The following SPIDR variants were observed in gnomAD, a reference collection of about 807,000 sequenced individuals.
The protein encoded by SPIDR is DNA repair-scaffolding protein.
Under a neutral mutation model 104.6 loss-of-function variants are expected in SPIDR, and 93 were observed. The ratio of observed to expected loss-of-function variants is 0.89; its 90% CI spans 0.75 to 1.06. SPIDR has a LOEUF of 1.06. SPIDR is among the 50% of genes least tolerant of loss of function. The pLI is 0.00. For missense variants in SPIDR, 1,154 were observed against 1,111.2 expected (o/e 1.04, Z -0.55); for synonymous variants, 431 against 416.9 (o/e 1.03, Z -0.41).
intron 5 of SPIDR, among the ~76,000 whole-genome samples, chr8:47,394,866 G>C (rs1339450775): frequency 1.3e-5 from 2 of 151,910 alleles, no homozygotes; most frequent in Admixed American, 6.6e-5. Context: ...GTTACTAATG[G>C]GTTAACAAGT....
chr8:47,689,932 G>T lies in SPIDR; in HGVS notation c.1686-10471G>T, dbSNP rs138276114. ...TAAATTATTTTAATAGGACTCAACA[G>T]TTTCAGTCTTTGAAACATTATATGA... On this transcript the variant is annotated intron_variant, in intron 11 of 19. Transcript: ENST00000297423. Among the ~76,000 whole-genome samples the T allele has an allele frequency of 4.6e-3, 707 of 152,282 alleles. 4 individuals are homozygous for T. The highest frequency in any genetic ancestry group is 8.2e-3 in the Non-Finnish European group (558 of 68,030).
chr8:47,270,519 C>A (rs2035080395), intron 1 of SPIDR, among the ~76,000 whole-genome samples: 1 of 151,958 alleles, frequency 6.6e-6, no homozygotes. Flanking sequence ...TAGTTTAAAT[C>A]TTCTCTTCCC....
At chr8:47,574,487 G>A (rs1260806775) in intron 8 of SPIDR, among the ~76,000 whole-genome samples, 1 of 152,114 alleles carries the variant, frequency 6.6e-6, no homozygotes, top group African/African-American at 2.4e-5. Flanking sequence ...GCCGGATGTG[G>A]TGGCTCACGC....
intron 5 of SPIDR, among the ~76,000 whole-genome samples, chr8:47,334,095 T>C (rs1554606703): frequency 1.3e-5 from 2 of 152,242 alleles, no homozygotes; most frequent in South Asian, 4.1e-4. Context: ...ATGTTCCATG[T>C]ATCTTTCTGT....
chr8:47,398,533 G>C (rs1207080933), intron 6 of SPIDR, among the ~76,000 whole-genome samples: 1 of 152,202 alleles, frequency 6.6e-6, no homozygotes, highest in Non-Finnish European at 1.5e-5. Flanking sequence ...ATGCCTCATT[G>C]AGCAGCTGGA....
chr8:47,598,486 ATATGTGAG>A (rs984392602), intron 9 of SPIDR, among the ~76,000 whole-genome samples: 1 of 152,226 alleles, frequency 6.6e-6, no homozygotes, highest in African/African-American at 2.4e-5. Context: ...TGTTGGGAGA[ATATGTGAG>A]CATGTAAAAT....
At chr8:47,336,038 A>C (rs79034447) in intron 5 of SPIDR, among the ~76,000 whole-genome samples, 1,857 of 151,704 alleles carry the variant, frequency 0.012, 41 homozygotes, top group African/African-American at 0.043. Context: ...TGTTTCAAAT[A>C]TTTCTAATGT....
intron 8 of SPIDR, among the ~76,000 whole-genome samples, chr8:47,532,322 G>C (rs560419689): frequency 1.4e-4 from 22 of 152,088 alleles, no homozygotes; most frequent in Admixed American, 1.3e-3. Flanking sequence ...ACCTGCCTTG[G>C]CCTCCCAAAG....
chr8:47,490,529 G>A (rs1345058508), intron 8 of SPIDR, among the ~76,000 whole-genome samples: 1 of 152,154 alleles, frequency 6.6e-6, no homozygotes, highest in Non-Finnish European at 1.5e-5. Flanking sequence ...TCATGCTGCT[G>A]TAAAGACACA....
chr8:47,674,856 CTG>C (rs2076223200), intron 11 of SPIDR, among the ~76,000 whole-genome samples: 1 of 152,172 alleles, frequency 6.6e-6, no homozygotes, highest in South Asian at 2.1e-4. Flanking sequence ...ACTTTGAGTC[CTG>C]TCTCTCTTTC....
At chr8:47,450,745 G>A (rs192200272) in intron 8 of SPIDR, among the ~76,000 whole-genome samples, 5 of 152,292 alleles carry the variant, frequency 3.3e-5, no homozygotes, top group Middle Eastern at 3.4e-3. Flanking sequence ...TCATGAAAAT[G>A]GTGTAGAGTA....
At chr8:47,686,072 T>C (rs1389959718) in intron 11 of SPIDR, among the ~76,000 whole-genome samples, 1 of 152,050 alleles carries the variant, frequency 6.6e-6, no homozygotes, top group African/African-American at 2.4e-5. Context: ...TAAAACAAAT[T>C]ATGTGAAGTT....
At chr8:47,319,248 A>G (rs2046022707) in intron 5 of SPIDR, among the ~76,000 whole-genome samples, 1 of 152,204 alleles carries the variant, frequency 6.6e-6, no homozygotes, top group Non-Finnish European at 1.5e-5. Flanking sequence ...GGATGGAGGA[A>G]GATCTACCAA....
At chr8:47,504,896 A>T (rs961568770) in intron 8 of SPIDR, among the ~76,000 whole-genome samples, 1 of 152,098 alleles carries the variant, frequency 6.6e-6, no homozygotes, top group African/African-American at 2.4e-5. Flanking sequence ...CCGGAGGTCC[A>T]CTCCAGACCC....
chr8:47,394,853 A>G (rs558814395), intron 5 of SPIDR, among the ~76,000 whole-genome samples: 76 of 152,320 alleles, frequency 5.0e-4, no homozygotes, highest in South Asian at 4.2e-3. Context: ...CTGTGCCCCA[A>G]TGGTTACTAA....
intron 8 of SPIDR, among the ~76,000 whole-genome samples, chr8:47,543,055 G>T (rs2088556260): frequency 2.0e-5 from 3 of 152,124 alleles, no homozygotes; most frequent in Admixed American, 2.0e-4. Context: ...TCCCTGGCAT[G>T]GGGGTATATC....
intron 8 of SPIDR, 100 bp from the exon 9 acceptor site, chr8:47,595,711 A>G (rs2061563341): frequency 4.3e-6 from 5 of 1,152,972 alleles, no homozygotes; most frequent in Admixed American, 2.2e-5. Context: ...TTAGCTGTCC[A>G]TAGCAGGCGA....
At chr8:47,421,983 G>A (rs1261095761) in intron 7 of SPIDR, among the ~76,000 whole-genome samples, 3 of 152,202 alleles carry the variant, frequency 2.0e-5, no homozygotes, top group Non-Finnish European at 4.4e-5. Context: ...TTGTCTCAGA[G>A]GAGTACCTGG....
chr8:47,423,920 C>T (rs2065991228), intron 7 of SPIDR, among the ~76,000 whole-genome samples: 1 of 152,202 alleles, frequency 6.6e-6, no homozygotes, highest in African/African-American at 2.4e-5. Flanking sequence ...TGCTCATTAT[C>T]TGCATGATGG....
Sources: allele counts gnomAD v4.1 joint callset (sites outside exome capture counted in the v4.1 genomes callset), GRCh38; gene constraint gnomAD v4.1.1; transcripts MANE v1.5; gene names NCBI Gene and HGNC (gene_info 2026-07-23, HGNC 2026-07-21).